Variants in ANKFN1 observed in about 807,000 individuals in gnomAD.
ANKFN1 encodes ankyrin repeat and fibronectin type III domain containing 1.
ANKFN1 carries 74 observed loss-of-function variants against 108.7 expected under a neutral mutation model. The observed-to-expected ratio is 0.68, with a 90% CI of 0.56 to 0.83. The LOEUF (loss-of-function observed/expected upper bound fraction) is 0.83. ANKFN1 is among the 40% of genes least tolerant of loss of function. ANKFN1 has a pLI of 0.00. For synonymous variants in ANKFN1, 547 were observed against 516.2 expected, an observed-to-expected ratio of 1.06 and a Z score of -0.81; for missense variants, 1,505 against 1,382.3, an observed-to-expected ratio of 1.09 and a Z score of -1.41.
intron 2 of ANKFN1, among the ~76,000 whole-genome samples, chr17:56,216,128 A>G (rs140614236): frequency 3.9e-5 from 6 of 152,338 alleles, no homozygotes; most frequent in Admixed American, 3.9e-4. Context: ...AATTTTATGT[A>G]TGAAGCCTTC....
intron 8 of ANKFN1, 83 bp from the exon 9 acceptor site, chr17:56,440,244 A>C: frequency 2.9e-5 from 22 of 755,706 alleles, no homozygotes; most frequent in Non-Finnish European, 3.9e-5. Context: ...ATTGTATGCT[A>C]GAGTTTCTAT....
At chr17:56,465,622 A>G (rs1488965782) in intron 14 of ANKFN1, among the ~76,000 whole-genome samples, 1 of 152,232 alleles carries the variant, frequency 6.6e-6, no homozygotes, top group African/African-American at 2.4e-5. Context: ...GTTCTAGCTT[A>G]GAAATCTTCA....
At position 56,499,039 on chromosome 17, in the gene ANKFN1, T is replaced by A; in HGVS notation, c.2585T>A (p.Ile862Lys). 6.5e-7 allele frequency: 1 copy of A among 1,535,674 alleles called. No individual in the cohort carries two copies. Among genetic ancestry groups the A allele is most frequent in the Non-Finnish European group, 8.7e-7 (1 of 1,146,642 alleles). The stretch of plus-strand genomic sequence containing the variant: ...ATCAATTCTACATCATCATCACATA[T>A]AGACTGTCTTCCATCCCCACCCCCA... Reference protein sequence around the residue: ...KKINSTSSSHIDCLPSPPPSP... With the variant: ...KKINSTSSSHKDCLPSPPPSP... The change falls in exon 20 of 21, where the codon ATA becomes AAA. Residue 862 changes from isoleucine to lysine, a missense_variant. Ile to Lys is a moderately radical substitution (Grantham distance 102). Transcript: ENST00000682825.
At chr17:56,294,013 G>T (rs1012038308) in intron 3 of ANKFN1, among the ~76,000 whole-genome samples, 1 of 152,184 alleles carries the variant, frequency 6.6e-6, no homozygotes, top group Admixed American at 6.5e-5. Flanking sequence ...TCCTTTAGGG[G>T]CATATTCAGT....
intron 3 of ANKFN1, among the ~76,000 whole-genome samples, chr17:56,273,285 T>C (rs2043837556): frequency 6.6e-6 from 1 of 152,206 alleles, no homozygotes; most frequent in South Asian, 2.1e-4. Flanking sequence ...TACCTTTATT[T>C]AATGGGTATA....
intron 3 of ANKFN1, among the ~76,000 whole-genome samples, chr17:56,305,005 G>C (rs1036956676): frequency 3.9e-5 from 6 of 152,168 alleles, no homozygotes. Flanking sequence ...ACATACCTGA[G>C]ACTAGGTAAT....
chr17:56,325,184 A>G (rs2045480348), intron 3 of ANKFN1, among the ~76,000 whole-genome samples: 1 of 152,206 alleles, frequency 6.6e-6, no homozygotes. Flanking sequence ...AAGTCATCAC[A>G]GCAGCTAAAC....
chr17:56,498,728 G>A (rs1448062386), intron 19 of ANKFN1, among the ~76,000 whole-genome samples, 154 bp from the exon 20 acceptor site: 2 of 152,168 alleles, frequency 1.3e-5, no homozygotes, highest in East Asian at 3.9e-4. Context: ...AAAAAGAGAG[G>A]TATTTTCTGG....
upstream of ANKFN1, among the ~76,000 whole-genome samples, chr17:56,151,298 T>C (rs7218082): frequency 0.075 from 11,423 of 152,216 alleles, 506 homozygotes; most frequent in Admixed American, 0.13. Flanking sequence ...CTGTCAGCCA[T>C]GCAAAGTTTG....
At chr17:56,374,781 A>T (rs142319233) in intron 8 of ANKFN1, 67 bp downstream of exon 8, 9 of 1,287,398 alleles carry the variant, frequency 7.0e-6, no homozygotes, top group Non-Finnish European at 1.0e-5. Flanking sequence ...GAGAATCAAT[A>T]GTGCATTTTG....
chr17:56,153,344 A>C, upstream of ANKFN1: 1 of 758,786 alleles, frequency 1.3e-6, no homozygotes. Flanking sequence ...CCTGCACTGT[A>C]ATCTGGACAC....
chr17:56,189,528 G>A (rs909413592), intron 1 of ANKFN1, among the ~76,000 whole-genome samples: 2 of 152,274 alleles, frequency 1.3e-5, no homozygotes, highest in East Asian at 1.9e-4. Context: ...AGGGGATGCA[G>A]GGACCCTCAC....
intron 3 of ANKFN1, among the ~76,000 whole-genome samples, chr17:56,319,212 G>A (rs189988461): frequency 1.3e-5 from 2 of 152,216 alleles, no homozygotes; most frequent in African/African-American, 2.4e-5. Context: ...TCCAGCTTCC[G>A]TGCCTACTGG....
intron 8 of ANKFN1, among the ~76,000 whole-genome samples, chr17:56,393,165 C>T (rs1052191733): frequency 1.3e-5 from 2 of 152,090 alleles, no homozygotes; most frequent in Admixed American, 1.3e-4. Context: ...GCTCTGATAC[C>T]AACAGAACTG....
chr17:56,341,349 G>A (rs112080395), intron 4 of ANKFN1, among the ~76,000 whole-genome samples: 1,717 of 152,208 alleles, frequency 0.011, 49 homozygotes, highest in African/African-American at 0.039. Context: ...ATGTTGAATA[G>A]GAGTAGTGGG....
At chr17:56,128,578 C>G (rs546262273) in intron 4 of ANKFN1, among the ~76,000 whole-genome samples, 1 of 152,180 alleles carries the variant, frequency 6.6e-6, no homozygotes, top group Non-Finnish European at 1.5e-5. Context: ...TCCATCTCTG[C>G]GTCACTGGTG....
In ANKFN1 at chr17:56,120,153, C is replaced by G. The variant is rs143145025; in HGVS notation, c.288+73828C>G. Among the ~76,000 whole-genome samples, 409 of 152,234 alleles carry G rather than the reference C, an allele frequency of 2.7e-3. 2 individuals carry two copies. Among genetic ancestry groups the G allele is most frequent in the African/African-American group, 9.0e-3 (376 of 41,552 alleles). On this transcript the variant is annotated intron_variant, in intron 4 of 12. Coordinates refer to the ANKFN1 transcript ENST00000635860. ...TTACCATTTCGATTACATTACTCAG[C>G]CATATTTTTAATCATCTACTCTTGT...
chr17:56,108,878 G>A (rs1230034097), intron 4 of ANKFN1, among the ~76,000 whole-genome samples: 1 of 152,210 alleles, frequency 6.6e-6, no homozygotes, highest in Non-Finnish European at 1.5e-5. Flanking sequence ...CAGCAAACAG[G>A]TATCAGATAA....
chr17:56,292,651 C>T (rs2044394341), intron 3 of ANKFN1, among the ~76,000 whole-genome samples: 2 of 152,242 alleles, frequency 1.3e-5, no homozygotes, highest in African/African-American at 4.8e-5. Context: ...TTCTAGTTAA[C>T]ATCCACATTC....
Sources: allele counts gnomAD v4.1 joint callset (sites outside exome capture counted in the v4.1 genomes callset), GRCh38; gene constraint gnomAD v4.1.1; transcripts MANE v1.5; gene names NCBI Gene and HGNC (gene_info 2026-07-23, HGNC 2026-07-21).